Variants in SLC24A2 observed in about 807,000 individuals in gnomAD.
The protein encoded by SLC24A2 is sodium/potassium/calcium exchanger 2.
Under a neutral mutation model 62.0 loss-of-function variants are expected in SLC24A2, and 36 were observed. The observed-to-expected ratio is 0.58, with a 90% CI of 0.44 to 0.77. SLC24A2 has a LOEUF of 0.77. Ranked by LOEUF, SLC24A2 falls within the 30% of genes least tolerant of loss-of-function variation. The pLI is 0.00. For missense variants in SLC24A2, 846 were observed against 817.9 expected (o/e 1.03, Z -0.42); for synonymous variants, 358 against 294.0 (o/e 1.22, Z -2.23).
At chr9:19,989,046 G>C in the SLC24A2 span, among the ~76,000 whole-genome samples, 1 of 152,060 alleles carries the variant, frequency 6.6e-6, no homozygotes, top group African/African-American at 2.4e-5. Context: ...TGGTTTGCTG[G>C]CATACCAACA....
the SLC24A2 span, among the ~76,000 whole-genome samples, chr9:19,937,294 A>G: frequency 6.6e-6 from 1 of 152,210 alleles, no homozygotes; most frequent in African/African-American, 2.4e-5. Context: ...TTCCTAAAGA[A>G]GGCATGGAGA....
At chr9:20,219,879 T>C in the SLC24A2 span, among the ~76,000 whole-genome samples, 1 of 152,184 alleles carries the variant, frequency 6.6e-6, no homozygotes, top group Non-Finnish European at 1.5e-5. Context: ...AGTATTCATA[T>C]TAAGAGTGAT....
intron 2 of SLC24A2, among the ~76,000 whole-genome samples, chr9:19,757,818 T>C (rs1822191576): frequency 6.6e-6 from 1 of 152,130 alleles, no homozygotes; most frequent in African/African-American, 2.4e-5. Context: ...AATGGCTTAG[T>C]ACTATACTCT....
chr9:19,650,915 G>A lies in SLC24A2; in HGVS notation c.931-28616C>T, dbSNP rs1818783857. ...TCACTTCTGTTGGCAGGGTTGAAAT[G>A]CTTCTGAAGTGGAGAAGTATGTCTT... On this transcript the variant is annotated intron_variant, in intron 2 of 10. Coordinates refer to ENST00000341998, the MANE Select transcript of SLC24A2 (RefSeq NM_020344.4). Among the ~76,000 whole-genome samples the A allele has an allele frequency of 2.0e-5, 3 of 152,110 alleles. No individual in the cohort carries two copies. The South Asian group carries it at 6.2e-4, about 32-fold the overall frequency.
the SLC24A2 span, among the ~76,000 whole-genome samples, chr9:20,049,856 A>T: frequency 7.2e-5 from 11 of 152,118 alleles, no homozygotes; most frequent in African/African-American, 2.7e-4. Flanking sequence ...GGAAGTTAGC[A>T]CAATGGAACA....
At chr9:20,148,132 T>C in the SLC24A2 span, among the ~76,000 whole-genome samples, 2 of 151,990 alleles carry the variant, frequency 1.3e-5, no homozygotes, top group Non-Finnish European at 2.9e-5. Context: ...TCCGGATAAG[T>C]ATACTCTTCA....
At chr9:19,545,506 C>A (rs1834512307) in intron 8 of SLC24A2, among the ~76,000 whole-genome samples, 1 of 152,004 alleles carries the variant, frequency 6.6e-6, no homozygotes, top group Non-Finnish European at 1.5e-5. Context: ...AAGAGGTGTT[C>A]AGGTTTTTGG....
rs567084233 is a variant in SLC24A2 at position 19,522,049 on chromosome 9, C to A, written c.1570-989G>T. Reference sequence around the variant, plus strand: ...TTAGAGATGGGTTCTTGCTCTGTTGCCCAGGCTAGAGTGCAGTGGCACAGC... The same window carrying A: ...TTAGAGATGGGTTCTTGCTCTGTTGACCAGGCTAGAGTGCAGTGGCACAGC... On this transcript the variant is annotated intron_variant, in intron 9 of 10. Transcript: ENST00000341998. Among the ~76,000 whole-genome samples the A allele has an allele frequency of 1.1e-4, 17 of 152,222 alleles. No homozygotes were observed. The South Asian group carries it at 2.1e-3, about 19-fold the overall frequency.
the SLC24A2 span, among the ~76,000 whole-genome samples, chr9:20,080,486 T>A: frequency 6.6e-6 from 1 of 152,194 alleles, no homozygotes; most frequent in South Asian, 2.1e-4. Flanking sequence ...TCAAGATGGA[T>A]TAAAGACTTA....
intron 2 of SLC24A2, among the ~76,000 whole-genome samples, chr9:19,710,727 A>T (rs1163651443): frequency 6.6e-6 from 1 of 152,104 alleles, no homozygotes; most frequent in East Asian, 1.9e-4. Context: ...TGTGGGAAAG[A>T]TCAGGGTCAA....
chr9:19,622,123 C>T, intron 3 of SLC24A2, 138 bp downstream of exon 3: 1 of 717,514 alleles, frequency 1.4e-6, no homozygotes, highest in African/African-American at 1.7e-5. Context: ...AGTAGAAGTA[C>T]ACATCAGGGG....
At chr9:19,913,360 A>T in the SLC24A2 span, among the ~76,000 whole-genome samples, 1 of 152,058 alleles carries the variant, frequency 6.6e-6, no homozygotes, top group Non-Finnish European at 1.5e-5. Flanking sequence ...CTCTGACTTC[A>T]TCCCTCAGGC....
chr9:19,568,239 C>T (rs1197514786), intron 7 of SLC24A2, among the ~76,000 whole-genome samples: 3 of 152,194 alleles, frequency 2.0e-5, no homozygotes, highest in Admixed American at 1.3e-4. Context: ...ACTCTGGAGG[C>T]CCAGCCCTAA....
At chr9:20,238,250 CAT>C in the SLC24A2 span, among the ~76,000 whole-genome samples, 6 of 152,270 alleles carry the variant, frequency 3.9e-5, no homozygotes, top group South Asian at 4.2e-4. Context: ...GTATTTTTCA[CAT>C]GTTATGAATT....
the SLC24A2 span, among the ~76,000 whole-genome samples, chr9:19,894,263 A>G: frequency 0.075 from 11,373 of 152,252 alleles, 542 homozygotes; most frequent in East Asian, 0.18. Flanking sequence ...GAGGAGGCAG[A>G]GTGCCAAAGA....
At chr9:19,791,187 G>T (rs1029325869), upstream of SLC24A2, among the ~76,000 whole-genome samples, 1 of 152,172 alleles carries the variant, frequency 6.6e-6, no homozygotes, top group African/African-American at 2.4e-5. Flanking sequence ...TTAATGTATG[G>T]CTTTATCCTC....
rs372679072 is a variant in SLC24A2 at position 19,670,488 on chromosome 9, T to C, written c.931-48189A>G. Among the ~76,000 whole-genome samples the C allele has an allele frequency of 1.0e-3, 156 of 152,336 alleles. 7 individuals are homozygous for C. In the South Asian group the frequency reaches 0.032, roughly 31 times the overall value. On this transcript the variant is annotated intron_variant, in intron 2 of 10. Transcript: ENST00000341998. The stretch of plus-strand genomic sequence containing the variant: ...GCTCCTCAAATAATAATAACTATGA[T>C]GGCTACCATTACAAAGTGCCAGGGA...
At chr9:20,032,944 C>G in the SLC24A2 span, among the ~76,000 whole-genome samples, 28,371 of 152,116 alleles carry the variant, frequency 0.19, 3,015 homozygotes, top group Middle Eastern at 0.31. Context: ...TCCGATTTCC[C>G]TTTTTACAGC....
intron 4 of SLC24A2, among the ~76,000 whole-genome samples, chr9:19,613,742 A>G (rs750220436): frequency 7.2e-5 from 11 of 152,198 alleles, no homozygotes; most frequent in Admixed American, 1.3e-4. Flanking sequence ...TGTCTACACC[A>G]GGAGAACAAG....
Sources: gnomAD v4.1 joint callset for allele counts (sites outside exome capture counted in the v4.1 genomes callset) on GRCh38, gnomAD v4.1.1 for gene constraint, MANE v1.5 for transcripts, NCBI Gene and HGNC (gene_info 2026-07-23, HGNC 2026-07-21) for gene names.